BARD1: variants seen among roughly 807,000 people sequenced by gnomAD.
The protein encoded by BARD1 is BRCA1-associated RING domain protein 1.
Under a neutral mutation model 77.0 loss-of-function variants are expected in BARD1, and 73 were observed. The ratio of observed to expected loss-of-function variants is 0.95; its 90% confidence interval spans 0.79 to 1.15. The LOEUF (loss-of-function observed/expected upper bound fraction) is 1.15, where lower values mean the gene tolerates loss of function less well. Ranked by LOEUF, BARD1 falls within the 50% of genes most tolerant of loss-of-function variation. The pLI is 0.00. For synonymous variants in BARD1, 384 were observed against 338.0 expected, an observed-to-expected ratio of 1.14 and a Z score of -1.49; for missense variants, 993 against 938.8, an observed-to-expected ratio of 1.06 and a Z score of -0.75.
intron 1 of BARD1, among the ~76,000 whole-genome samples, chr2:214,807,633 C>A (rs1473825738): frequency 6.6e-6 from 1 of 152,152 alleles, no homozygotes; most frequent in African/African-American, 2.4e-5. Flanking sequence ...CCCCAATACC[C>A]AGAATAGGGT....
intron 1 of BARD1, among the ~76,000 whole-genome samples, chr2:214,799,532 C>T (rs1400488800): frequency 6.6e-6 from 1 of 152,114 alleles, no homozygotes; most frequent in Admixed American, 6.5e-5. Flanking sequence ...AGTCATCTTA[C>T]CCTTCCTAGA....
chr2:214,801,822 A>C (rs1696033377), intron 1 of BARD1, among the ~76,000 whole-genome samples: 1 of 128,464 alleles, frequency 7.8e-6, no homozygotes, highest in African/African-American at 2.8e-5. Context: ...GGGTTCTGGG[A>C]TTCAATGTTG....
At chr2:214,780,484 A>G in intron 4 of BARD1, 76 bp downstream of exon 4, 1 of 1,305,706 alleles carries the variant, frequency 7.7e-7, no homozygotes. Context: ...ATCCTATGCC[A>G]TTTTTCAAAA....
rs572972576 is a variant in BARD1 at position 214,803,483 on chromosome 2, G to A, written c.158+5929C>T. Among the ~76,000 whole-genome samples, 27 of 152,336 alleles carry A rather than the reference G, an allele frequency of 1.8e-4. No homozygotes were observed. In the South Asian group the frequency reaches 3.5e-3, roughly 20 times the overall value. ...ACCGCCTTAGGGCTGGAGGTGGGAC[G>A]TGCGGGCAGCAATACTGCTTTGTAA... On this transcript the variant is annotated intron_variant, in intron 1 of 10. Coordinates refer to ENST00000260947, the MANE Select transcript of BARD1 (RefSeq NM_000465.4).
chr2:214,791,587 CAGTT>C (rs1314228176), intron 3 of BARD1, among the ~76,000 whole-genome samples: 1 of 152,162 alleles, frequency 6.6e-6, no homozygotes, highest in African/African-American at 2.4e-5. Flanking sequence ...GAAAGATACA[CAGTT>C]AATACACAGA....
intron 7 of BARD1, among the ~76,000 whole-genome samples, chr2:214,747,321 G>A (rs62197310): frequency 0.46 from 64,163 of 138,190 alleles, 15,287 homozygotes; most frequent in Middle Eastern, 0.54. Context: ...ATCTAGAACT[G>A]GAAATACCAT....
chr2:214,793,438 C>G (rs188689269), intron 2 of BARD1, among the ~76,000 whole-genome samples: 26 of 152,286 alleles, frequency 1.7e-4, no homozygotes, highest in African/African-American at 6.3e-4. Flanking sequence ...TAAATGTCAA[C>G]TTTCTTTAGC....
chr2:214,765,537 T>C (rs1694155856), intron 6 of BARD1, among the ~76,000 whole-genome samples: 1 of 152,182 alleles, frequency 6.6e-6, no homozygotes, highest in Non-Finnish European at 1.5e-5. Flanking sequence ...AAATAAAAGC[T>C]AGATTCCCTA....
intron 9 of BARD1, among the ~76,000 whole-genome samples, chr2:214,740,365 T>G (rs926130596): frequency 1.3e-5 from 2 of 151,724 alleles, no homozygotes; most frequent in African/African-American, 4.8e-5. Context: ...GTGAAAATAC[T>G]TCCAATTATT....
intron 4 of BARD1, among the ~76,000 whole-genome samples, chr2:214,773,759 C>G (rs1694618745): frequency 1.3e-5 from 2 of 152,132 alleles, no homozygotes; most frequent in Admixed American, 6.5e-5. Context: ...CAGGTAGTTG[C>G]TGAAGGTTTG....
intron 2 of BARD1, among the ~76,000 whole-genome samples, chr2:214,793,745 C>T (rs1695632928): frequency 2.0e-5 from 3 of 152,022 alleles, no homozygotes; most frequent in Admixed American, 6.6e-5. Flanking sequence ...ATTTTATATA[C>T]ATTAATTTGG....
intron 9 of BARD1, among the ~76,000 whole-genome samples, chr2:214,734,924 T>C (rs936226595): frequency 3.9e-5 from 6 of 152,302 alleles, no homozygotes; most frequent in African/African-American, 1.4e-4. Flanking sequence ...TTATGTTCTA[T>C]AAAGATGCTA....
At chr2:214,803,190 A>G (rs1446627846) in intron 1 of BARD1, among the ~76,000 whole-genome samples, 13 of 150,472 alleles carry the variant, frequency 8.6e-5, no homozygotes, top group African/African-American at 2.2e-4. Flanking sequence ...ACACTGCGGA[A>G]GGACCCCTGC....
intron 6 of BARD1, among the ~76,000 whole-genome samples, chr2:214,758,097 G>A (rs982022643): frequency 2.6e-5 from 4 of 152,120 alleles, no homozygotes; most frequent in Non-Finnish European, 5.9e-5. Flanking sequence ...AAGAAACCCT[G>A]AACAGCTTCC....
intron 6 of BARD1, among the ~76,000 whole-genome samples, chr2:214,753,200 A>G (rs1489477424): frequency 6.6e-6 from 1 of 152,170 alleles, no homozygotes; most frequent in East Asian, 1.9e-4. Flanking sequence ...GTTCAAGATA[A>G]GAAAAAAAAG....
chr2:214,774,974 T>C (rs2106095178), intron 4 of BARD1, among the ~76,000 whole-genome samples: 1 of 152,318 alleles, frequency 6.6e-6, no homozygotes, highest in African/African-American at 2.4e-5. Flanking sequence ...CTTCACAGAA[T>C]TGAAGAGATT....
At chr2:214,768,151 A>G (rs1193918498) in intron 5 of BARD1, among the ~76,000 whole-genome samples, 2 of 152,246 alleles carry the variant, frequency 1.3e-5, no homozygotes, top group African/African-American at 4.8e-5. Context: ...TAACACGAGT[A>G]GGAATACAAA....
At chr2:214,800,314 G>A (rs1034639142) in intron 1 of BARD1, among the ~76,000 whole-genome samples, 1 of 152,210 alleles carries the variant, frequency 6.6e-6, no homozygotes, top group Non-Finnish European at 1.5e-5. Context: ...AAATGTGAAT[G>A]AGAAGTATGT....
rs11340372 is a variant in BARD1 at position 214,761,289 on chromosome 2, G to GA, written c.1568+6192dup. On this transcript the variant is annotated intron_variant, in intron 6 of 10. Transcript: ENST00000260947. ...TTCCAGAGAAGAGGAAAGGTAAAAAGAAAAAAAAAAAAAGCATTCTGATTA... is the reference window on the plus strand; with the variant it reads ...TTCCAGAGAAGAGGAAAGGTAAAAAGAAAAAAAAAAAAAAGCATTCTGATTA... Among the ~76,000 whole-genome samples, 504 of 131,280 alleles carry GA rather than the reference G, an allele frequency of 3.8e-3. 2 individuals are homozygous for GA. Among genetic ancestry groups the GA allele is most frequent in the Non-Finnish European group, 5.1e-3 (308 of 60,070 alleles). 86.1% of individuals were successfully genotyped at this position (131,280 alleles called of 152,430 possible). A position where few individuals can be genotyped will look rare whatever the true frequency, so the allele number is the denominator to read the frequency against.
Sources: gnomAD v4.1 joint callset for allele counts (sites outside exome capture counted in the v4.1 genomes callset) on GRCh38, gnomAD v4.1.1 for gene constraint, MANE v1.5 for transcripts, NCBI Gene and HGNC (gene_info 2026-07-23, HGNC 2026-07-21) for gene names.